Variants in MCTP1 observed in about 807,000 individuals in gnomAD.
MCTP1 encodes the protein multiple C2 and transmembrane domain-containing protein 1.
Under a neutral mutation model 120.6 loss-of-function variants are expected in MCTP1, and 69 were observed. The ratio of observed to expected loss-of-function variants is 0.57; its 90% confidence interval spans 0.47 to 0.70. The LOEUF (loss-of-function observed/expected upper bound fraction) is 0.70, where lower values mean the gene tolerates loss of function less well. Ranked by LOEUF, MCTP1 falls within the 30% of genes least tolerant of loss-of-function variation. The probability of loss-of-function intolerance (pLI) is 0.00; values close to 1 mark genes in which losing one functional copy is unlikely to be tolerated. For missense variants in MCTP1, 1,203 were observed against 1,248.8 expected (o/e 0.96, Z 0.55); for synonymous variants, 529 against 493.1 (o/e 1.07, Z -0.96).
chr5:95,261,003 C>A (rs1434092685), intron 1 of MCTP1, among the ~76,000 whole-genome samples: 1 of 152,094 alleles, frequency 6.6e-6, no homozygotes, highest in Non-Finnish European at 1.5e-5. Flanking sequence ...GTTAAAATAA[C>A]ACATATTATG....
At chr5:94,916,698 A>G (rs1323084827) in intron 8 of MCTP1, among the ~76,000 whole-genome samples, 1 of 152,174 alleles carries the variant, frequency 6.6e-6, no homozygotes, top group Non-Finnish European at 1.5e-5. Flanking sequence ...TCTGTATAGC[A>G]AATCTCTCAA....
intron 18 of MCTP1, among the ~76,000 whole-genome samples, chr5:94,787,438 C>G (rs1473925739): frequency 6.6e-6 from 1 of 152,044 alleles, no homozygotes; most frequent in Non-Finnish European, 1.5e-5. Context: ...ATTATCTTTG[C>G]CTACAGGCTT....
At chr5:94,791,261 G>A (rs1331497553) in intron 18 of MCTP1, among the ~76,000 whole-genome samples, 1 of 151,902 alleles carries the variant, frequency 6.6e-6, no homozygotes. Flanking sequence ...TCACACCACT[G>A]CACTCCAGCC....
chr5:94,906,776 C>A (rs1371380023), intron 10 of MCTP1, among the ~76,000 whole-genome samples: 1 of 152,132 alleles, frequency 6.6e-6, no homozygotes, highest in Non-Finnish European at 1.5e-5. Context: ...GGACTCAGCT[C>A]AGACAGTACC....
intron 1 of MCTP1, among the ~76,000 whole-genome samples, chr5:95,198,739 A>G (rs998695812): frequency 6.6e-6 from 1 of 152,178 alleles, no homozygotes; most frequent in African/African-American, 2.4e-5. Flanking sequence ...GGAGCAGGAC[A>G]CACACTTTAC....
At chr5:94,867,508 A>AT in intron 17 of MCTP1, 1 of 610,434 alleles carries the variant, frequency 1.6e-6, no homozygotes, top group Non-Finnish European at 2.9e-6. Context: ...ATAAAGTCGT[A>AT]TTCTGCTAAA....
Position 94,773,061 on chromosome 5 carries a change from C to A in MCTP1, c.2610+6049G>T, listed in dbSNP as rs1357331019. Among the ~76,000 whole-genome samples, 5 of 152,130 alleles carry A rather than the reference C, an allele frequency of 3.3e-5. No homozygotes were observed. The South Asian group carries it at 1.0e-3, about 32-fold the overall frequency. On this transcript the variant is annotated intron_variant, in intron 19 of 22. Coordinates refer to ENST00000515393, the MANE Select transcript of MCTP1 (RefSeq NM_024717.7). ...TTTCTGCGGACTCAAAGTGAGTGGG[C>A]TATCAGTTCAATGGGTGTTTAAGCA...
chr5:94,711,038 A>G, intron 20 of MCTP1, 111 bp from the exon 21 acceptor site: 4 of 749,372 alleles, frequency 5.3e-6, no homozygotes, highest in Non-Finnish European at 9.2e-6. Context: ...TCTCTCTGGA[A>G]TAGATTCCAA....
At chr5:95,207,331 C>A (rs1328318682) in intron 1 of MCTP1, among the ~76,000 whole-genome samples, 1 of 152,064 alleles carries the variant, frequency 6.6e-6, no homozygotes, top group Non-Finnish European at 1.5e-5. Flanking sequence ...TGTTTGATAA[C>A]CTGCAAGTTG....
chr5:94,953,978 A>G (rs1445828425), intron 2 of MCTP1, among the ~76,000 whole-genome samples: 1 of 73,312 alleles, frequency 1.4e-5, no homozygotes, highest in Non-Finnish European at 2.6e-5. Flanking sequence ...ATATATATGC[A>G]TATATATACA....
chr5:94,809,030 G>A (rs915593560), intron 17 of MCTP1, among the ~76,000 whole-genome samples: 7 of 151,928 alleles, frequency 4.6e-5, no homozygotes, highest in Non-Finnish European at 8.8e-5. Context: ...ATCTATTAAA[G>A]AAGCAAGTGT....
intron 1 of MCTP1, among the ~76,000 whole-genome samples, chr5:95,108,435 A>G (rs1757246965): frequency 6.6e-6 from 1 of 152,192 alleles, no homozygotes; most frequent in South Asian, 2.1e-4. Flanking sequence ...TTAGTGATTA[A>G]TAACCAGCTT....
chr5:94,980,951 G>A (rs1829266535), intron 2 of MCTP1: 1 of 151,862 alleles, frequency 6.6e-6, no homozygotes, highest in South Asian at 2.1e-4. Context: ...GATAAGCAAA[G>A]CAAAATGTTA....
chr5:95,188,593 T>C (rs1366665132), intron 1 of MCTP1, among the ~76,000 whole-genome samples: 1 of 152,158 alleles, frequency 6.6e-6, no homozygotes, highest in Non-Finnish European at 1.5e-5. Flanking sequence ...ATCTTAAAAG[T>C]TGCATATTAT....
At chr5:94,782,984 T>G (rs1250337817) in intron 18 of MCTP1, among the ~76,000 whole-genome samples, 1 of 152,100 alleles carries the variant, frequency 6.6e-6, no homozygotes, top group East Asian at 1.9e-4. Context: ...GCAAGTAGTA[T>G]TAATCAAACA....
intron 17 of MCTP1, among the ~76,000 whole-genome samples, chr5:94,840,781 G>T (rs893071650): frequency 1.3e-5 from 2 of 152,208 alleles, no homozygotes; most frequent in Non-Finnish European, 2.9e-5. Flanking sequence ...TTGCAATATA[G>T]TCTAGACAAC....
chr5:95,259,514 C>A (rs1392619129), intron 1 of MCTP1, among the ~76,000 whole-genome samples: 2 of 152,318 alleles, frequency 1.3e-5, no homozygotes, highest in East Asian at 3.9e-4. Context: ...TCAACACATA[C>A]TCGAAATCAA....
At chr5:94,973,519 CA>C (rs944706913) in intron 2 of MCTP1, among the ~76,000 whole-genome samples, 3 of 152,112 alleles carry the variant, frequency 2.0e-5, no homozygotes, top group African/African-American at 7.2e-5. Context: ...TCCATTAGAC[CA>C]AAAATAGTAT....
chr5:94,920,090 T>C lies in MCTP1; in HGVS notation c.1273-2117A>G, dbSNP rs547432178. Among the ~76,000 whole-genome samples, 10 of 152,356 alleles carry C rather than the reference T, an allele frequency of 6.6e-5. No homozygotes were observed. In the South Asian group the frequency reaches 2.1e-3, roughly 32 times the overall value. On this transcript the variant is annotated intron_variant, in intron 7 of 22. Coordinates refer to ENST00000515393, the MANE Select transcript of MCTP1 (RefSeq NM_024717.7). ...TTTACTTAAGATGTTTTAACTATCC[T>C]CTCTAACTTTAATCGTGGTCCAACA...
Sources: allele counts gnomAD v4.1 joint callset (sites outside exome capture counted in the v4.1 genomes callset), GRCh38; gene constraint gnomAD v4.1.1; transcripts MANE v1.5; gene names NCBI Gene and HGNC (gene_info 2026-07-23, HGNC 2026-07-21).